The following GRIK2 variants were observed in gnomAD, a reference collection of about 807,000 sequenced individuals.
GRIK2 encodes glutamate ionotropic receptor kainate type subunit 2, also known as glutamate receptor ionotropic, kainate 2.
GRIK2 carries 32 observed loss-of-function variants against 100.3 expected under a neutral mutation model. The ratio of observed to expected loss-of-function variants is 0.32; its 90% CI spans 0.24 to 0.43. The LOEUF (loss-of-function observed/expected upper bound fraction) is 0.43. GRIK2 is among the 20% of genes least tolerant of loss of function. GRIK2 has a pLI of 1.00. For missense variants in GRIK2, 843 were observed against 1,114.9 expected (o/e 0.76, Z 3.47); for synonymous variants, 417 against 389.4 (o/e 1.07, Z -0.83).
chr6:101,655,373 A>G (rs1462996033), intron 4 of GRIK2, among the ~76,000 whole-genome samples: 15 of 152,304 alleles, frequency 9.8e-5, no homozygotes, highest in African/African-American at 1.7e-4. Flanking sequence ...CAGATTTGGC[A>G]AAAAGAAACA....
At chr6:101,879,600 A>C (rs923539344) in intron 11 of GRIK2, among the ~76,000 whole-genome samples, 2 of 151,886 alleles carry the variant, frequency 1.3e-5, no homozygotes, top group Admixed American at 6.6e-5. Context: ...CATAACCTAA[A>C]GGACAGCGAC....
Position 101,979,797 on chromosome 6 carries a change from T to C in GRIK2, c.2085+51165T>C, listed in dbSNP as rs1175574574. Among the ~76,000 whole-genome samples the C allele has an allele frequency of 3.9e-5, 6 of 152,008 alleles. 1 individual carries two copies. Among genetic ancestry groups the C allele is most frequent in the Admixed American group, 2.0e-4 (3 of 15,242 alleles). On this transcript the variant is annotated intron_variant, in intron 14 of 16. Transcript: ENST00000369134. Reference sequence around the variant, plus strand: ...AAGCCCATAAATATTTTACCTTCTCTTTATTCACTCATCAAATATTCATTG... The same window carrying C: ...AAGCCCATAAATATTTTACCTTCTCCTTATTCACTCATCAAATATTCATTG...
intron 2 of GRIK2, among the ~76,000 whole-genome samples, chr6:101,524,193 G>T (rs1013334165): frequency 3.2e-4 from 49 of 152,108 alleles, no homozygotes; most frequent in African/African-American, 1.1e-3. Context: ...GAAGCTTTAT[G>T]TTGAGAAAGG....
chr6:101,562,317 A>T (rs1488852710), intron 2 of GRIK2, among the ~76,000 whole-genome samples: 3 of 151,972 alleles, frequency 2.0e-5, no homozygotes, highest in African/African-American at 7.3e-5. Flanking sequence ...CATAATGGAC[A>T]CGGCATCACA....
At chr6:101,954,209 CTA>C (rs1472026466) in intron 14 of GRIK2, among the ~76,000 whole-genome samples, 1 of 152,068 alleles carries the variant, frequency 6.6e-6, no homozygotes, top group East Asian at 1.9e-4. Flanking sequence ...ATTGTTTTGA[CTA>C]TGTCAGGTTC....
At chr6:101,598,679 T>A (rs920794480) in intron 2 of GRIK2, among the ~76,000 whole-genome samples, 3 of 150,270 alleles carry the variant, frequency 2.0e-5, no homozygotes, top group Non-Finnish European at 3.0e-5. Flanking sequence ...CTACAATGAC[T>A]TTCACTAAAC....
intron 2 of GRIK2, among the ~76,000 whole-genome samples, chr6:101,432,688 G>A (rs762210592): frequency 1.7e-4 from 26 of 152,100 alleles, no homozygotes; most frequent in Non-Finnish European, 3.4e-4. Context: ...TAGGGTGAGA[G>A]GAGGGTATGA....
At chr6:101,614,698 T>C (rs1195348947) in intron 2 of GRIK2, among the ~76,000 whole-genome samples, 2 of 151,724 alleles carry the variant, frequency 1.3e-5, no homozygotes, top group African/African-American at 4.8e-5. Flanking sequence ...ATAAGATTGG[T>C]ATAACATTTG....
intron 4 of GRIK2, among the ~76,000 whole-genome samples, chr6:101,670,192 G>A (rs1022397413): frequency 6.6e-6 from 1 of 151,942 alleles, no homozygotes; most frequent in Non-Finnish European, 1.5e-5. Context: ...GACTGAATAA[G>A]TAATATTATT....
chr6:102,065,336 G>A (rs2782897), intron 16 of GRIK2, among the ~76,000 whole-genome samples: 57,880 of 150,762 alleles, frequency 0.38, 11,449 homozygotes, highest in Middle Eastern at 0.44. Flanking sequence ...CTATTACTCA[G>A]CAATATAAAC....
intron 4 of GRIK2, among the ~76,000 whole-genome samples, chr6:101,635,454 T>C (rs1312698504): frequency 6.6e-6 from 1 of 152,134 alleles, no homozygotes; most frequent in East Asian, 1.9e-4. Context: ...GGCAAAGATT[T>C]CATGACTAAA....
At chr6:101,571,524 C>A (rs781605931) in intron 2 of GRIK2, among the ~76,000 whole-genome samples, 10 of 152,150 alleles carry the variant, frequency 6.6e-5, no homozygotes, top group Middle Eastern at 3.4e-3. Context: ...GCAAAGGGAA[C>A]AACTAAATTG....
intron 2 of GRIK2, among the ~76,000 whole-genome samples, chr6:101,417,745 G>A (rs939685056): frequency 3.3e-5 from 5 of 152,160 alleles, no homozygotes; most frequent in African/African-American, 1.2e-4. Flanking sequence ...GGCAATAGTA[G>A]GATCTGATCT....
chr6:101,623,731 A>G (rs1262326413), intron 3 of GRIK2, among the ~76,000 whole-genome samples: 1 of 152,142 alleles, frequency 6.6e-6, no homozygotes, highest in Non-Finnish European at 1.5e-5. Flanking sequence ...TTGTTACCCA[A>G]TAAAAACTCA....
At chr6:101,837,341 T>C (rs1362615315) in intron 10 of GRIK2, among the ~76,000 whole-genome samples, 1 of 152,168 alleles carries the variant, frequency 6.6e-6, no homozygotes, top group East Asian at 1.9e-4. Context: ...TGAGTATTGC[T>C]AATGATAGTA....
intron 14 of GRIK2, among the ~76,000 whole-genome samples, chr6:101,974,121 T>A (rs1224907347): frequency 6.6e-6 from 1 of 151,984 alleles, no homozygotes; most frequent in Non-Finnish European, 1.5e-5. Flanking sequence ...TGGTTATGTC[T>A]AGGAAAATTT....
At position 101,682,576 on chromosome 6, in the gene GRIK2, A is replaced by C; in HGVS notation, c.747A>C (p.Thr249=). ...AGGCATTAGCTATGGGAATGATGAC[A>C]GAATACTATCATTATATCTTTACCA... ...LKQALAMGMM[T]EYYHYIFTTL... The change falls in exon 6 of 17, where the codon ACA becomes ACC. Residue 249 remains threonine (T), a synonymous_variant. Transcript: ENST00000369134. 7.5e-7 allele frequency: 1 copy of C among 1,340,808 alleles called. No individual in the cohort carries two copies. The highest frequency in any genetic ancestry group is 1.1e-6 in the Non-Finnish European group (1 of 939,422). The allele number at this position is 1,340,808 out of a possible 1,614,324, so 83.1% of individuals were successfully genotyped here.
At chr6:101,681,307 C>T (rs1771226242) in intron 5 of GRIK2, among the ~76,000 whole-genome samples, 1 of 151,846 alleles carries the variant, frequency 6.6e-6, no homozygotes, top group Admixed American at 6.6e-5. Flanking sequence ...TCACTGCAGC[C>T]TCGACTTTGG....
chr6:101,787,895 T>A (rs1386426612), intron 7 of GRIK2, among the ~76,000 whole-genome samples: 6 of 152,144 alleles, frequency 3.9e-5, no homozygotes, highest in African/African-American at 1.2e-4. Context: ...AGAGTGGATA[T>A]TAAAGTCCTT....
Sources: gnomAD v4.1 joint callset for allele counts (sites outside exome capture counted in the v4.1 genomes callset) on GRCh38, gnomAD v4.1.1 for gene constraint, MANE v1.5 for transcripts, NCBI Gene and HGNC (gene_info 2026-07-23, HGNC 2026-07-21) for gene names.